Variants in RBM39 observed in about 807,000 individuals in gnomAD.
RBM39 encodes the protein RNA-binding protein 39.
A neutral mutation model predicts 79.6 loss-of-function variants in RBM39; 12 were observed. The observed-to-expected ratio is 0.15, with a 90% CI of 0.10 to 0.24. RBM39 has a LOEUF of 0.24. Ranked by LOEUF, RBM39 falls within the 10% of genes least tolerant of loss-of-function variation. The pLI is 1.00. For missense variants in RBM39, 243 were observed against 653.4 expected (o/e 0.37, Z 6.85); for synonymous variants, 185 against 208.4 (o/e 0.89, Z 0.97).
chr20:35,724,523 C>A, intron 8 of RBM39, 47 bp downstream of exon 8: 1 of 1,593,128 alleles, frequency 6.3e-7, no homozygotes, highest in South Asian at 1.1e-5. Flanking sequence ...CAACAGGAGG[C>A]TTTCAACACC....
chr20:35,735,056 G>C (rs759842170), intron 3 of RBM39: 32 of 1,571,502 alleles, frequency 2.0e-5, no homozygotes, highest in Non-Finnish European at 2.7e-5. Context: ...CATGTAAGAA[G>C]ATCTAAATTT....
intron 14 of RBM39, 99 bp from the exon 15 acceptor site, chr20:35,705,429 A>T: frequency 1.4e-6 from 1 of 705,460 alleles, no homozygotes; most frequent in Non-Finnish European, 2.3e-6. Context: ...GAATTAAAAA[A>T]AATACTTTGG....
chr20:35,718,813 C>CAAAAAAA (rs555136304), intron 9 of RBM39, among the ~76,000 whole-genome samples: 2 of 37,872 alleles, frequency 5.3e-5, no homozygotes, highest in Non-Finnish European at 5.3e-5. Flanking sequence ...TACTCCATCT[C>CAAAAAAA]AAAAAAAAAA....
chr20:35,724,972 TTGA>T lies in RBM39; in HGVS notation c.534+63_534+65del. 3 of 1,176,864 alleles carry T rather than the reference TTGA, an allele frequency of 2.5e-6. No individual in the cohort carries two copies. In the Admixed American group the frequency reaches 6.1e-5, roughly 24 times the overall value. 72.9% of individuals were successfully genotyped at this position (1,176,864 alleles called of 1,614,324 possible). A position where few individuals can be genotyped will look rare whatever the true frequency, so the allele number is the denominator to read the frequency against. On this transcript the variant is annotated intron_variant, in intron 7 of 16. Coordinates refer to ENST00000253363, the MANE Select transcript of RBM39 (RefSeq NM_184234.3). ...ACTGCTACTAAATCAAATGAAGTAT[TTGA>T]TGTTTACATGTTTTCTCTTGCAATT...
intron 9 of RBM39, among the ~76,000 whole-genome samples, chr20:35,720,300 A>C (rs1314991694): frequency 6.6e-6 from 1 of 152,190 alleles, no homozygotes; most frequent in African/African-American, 2.4e-5. Context: ...AGCTGCTCTG[A>C]ATTGAGCTCA....
intron 7 of RBM39, 135 bp from the exon 8 acceptor site, chr20:35,724,857 A>T: frequency 8.5e-7 from 1 of 1,183,072 alleles, no homozygotes; most frequent in African/African-American, 1.6e-5. Flanking sequence ...CAATTCCTAT[A>T]TCCTATCTTT....
chr20:35,724,000 C>T (rs2038337217), intron 8 of RBM39, among the ~76,000 whole-genome samples: 1 of 152,150 alleles, frequency 6.6e-6, no homozygotes, highest in Non-Finnish European at 1.5e-5. Context: ...GTGATTATCT[C>T]ACTGCACTCC....
At chr20:35,741,016 G>A (rs1419999295) in intron 1 of RBM39, 129 bp from the exon 2 acceptor site, 7 of 138,072 alleles carry the variant, frequency 5.1e-5, no homozygotes, top group Non-Finnish European at 1.1e-4. Flanking sequence ...ACGATTCCGT[G>A]AGTAAACATT....
intron 6 of RBM39, among the ~76,000 whole-genome samples, chr20:35,726,583 A>G (rs1287280146): frequency 3.9e-5 from 6 of 152,248 alleles, no homozygotes; most frequent in African/African-American, 1.4e-4. Flanking sequence ...TGTAATTGTA[A>G]AGTCAAATTA....
chr20:35,702,828 G>A lies in RBM39; in HGVS notation c.*1653C>T, dbSNP rs1302889100. 2 of 152,218 alleles carry A rather than the reference G, an allele frequency of 1.3e-5. No individual in the cohort carries two copies. The highest frequency in any genetic ancestry group is 4.8e-5 in the African/African-American group (2 of 41,430). The allele number at this position is 152,218 out of a possible 1,614,324, so 9.4% of individuals were successfully genotyped here. A position where few individuals can be genotyped will look rare whatever the true frequency, so the allele number is the denominator to read the frequency against. ...CCAGCTCTTCAGGAGACTGAGGTGG[G>A]AGAATTGCTTGAACCTGGGAGATGG... is the stretch of plus-strand genomic sequence containing the variant. On this transcript the variant is annotated 3_prime_UTR_variant, in exon 17 of 17. Transcript: ENST00000253363.
At chr20:35,705,173 T>C (rs982801388) in intron 15 of RBM39, 52 bp downstream of exon 15, 3 of 1,084,840 alleles carry the variant, frequency 2.8e-6, no homozygotes, top group Non-Finnish European at 4.1e-6. Context: ...TGTGCGAAGA[T>C]TAAGGTAGAG....
chr20:35,707,210 AG>A lies in RBM39; in HGVS notation c.1226-10del. On this transcript the variant is annotated splice_polypyrimidine_tract_variant and intron_variant, in intron 13 of 16. Coordinates refer to ENST00000253363, the MANE Select transcript of RBM39 (RefSeq NM_184234.3). ...TGCAGCTAAAGCTGAAGCTAAAAAAAGAAAGAGAAAAATTAGTTTCATGGAA... is the reference window on the plus strand; with the variant it reads ...TGCAGCTAAAGCTGAAGCTAAAAAAAAAAGAGAAAAATTAGTTTCATGGAA... 6.3e-7 allele frequency: 1 copy of A among 1,595,008 alleles called. No homozygotes were observed. Among genetic ancestry groups the A allele is most frequent in the Non-Finnish European group, 8.6e-7 (1 of 1,166,796 alleles).
chr20:35,704,838 G>C, intron 15 of RBM39, 92 bp from the exon 16 acceptor site: 1 of 1,044,374 alleles, frequency 9.6e-7, no homozygotes, highest in Admixed American at 2.1e-5. Context: ...GAAACTTAGT[G>C]CTCTATAACC....
intron 9 of RBM39, 129 bp from the exon 10 acceptor site, chr20:35,716,934 C>T (rs2037206213): frequency 1.7e-6 from 1 of 600,142 alleles, no homozygotes; most frequent in East Asian, 3.0e-5. Flanking sequence ...CACAAAACCT[C>T]ATCACCAAGA....
chr20:35,734,910 CA>C, intron 3 of RBM39: 1 of 1,570,728 alleles, frequency 6.4e-7, no homozygotes. Flanking sequence ...AGGGACTTTC[CA>C]AAGTCTTTAA....
intron 6 of RBM39, among the ~76,000 whole-genome samples, chr20:35,728,432 A>G (rs2039000150): frequency 6.6e-6 from 1 of 152,216 alleles, no homozygotes; most frequent in African/African-American, 2.4e-5. Context: ...TCCATTAAAA[A>G]TAATAAATGC....
At chr20:35,730,730 T>G (rs969532917) in intron 4 of RBM39, among the ~76,000 whole-genome samples, 2 of 151,896 alleles carry the variant, frequency 1.3e-5, no homozygotes, top group Non-Finnish European at 2.9e-5. Context: ...GTAAAAAGAT[T>G]TAACATAATC....
At chr20:35,718,561 C>T (rs1297062840) in intron 9 of RBM39, among the ~76,000 whole-genome samples, 2 of 151,888 alleles carry the variant, frequency 1.3e-5, no homozygotes, top group Admixed American at 6.6e-5. Context: ...CCTGTAATCC[C>T]ACCACTTTGG....
At chr20:35,735,257 T>C (rs1236502319) in intron 3 of RBM39, among the ~76,000 whole-genome samples, 2 of 152,178 alleles carry the variant, frequency 1.3e-5, no homozygotes, top group African/African-American at 4.8e-5. Flanking sequence ...CTGGTTACTT[T>C]AACAAATAAT....
Sources: gnomAD v4.1 joint callset for allele counts (sites outside exome capture counted in the v4.1 genomes callset) on GRCh38, gnomAD v4.1.1 for gene constraint, MANE v1.5 for transcripts, NCBI Gene and HGNC (gene_info 2026-07-23, HGNC 2026-07-21) for gene names.